OGG1: variants seen among roughly 807,000 people sequenced by gnomAD.
OGG1 encodes the protein 8-oxoguanine DNA glycosylase.
OGG1 carries 35 observed loss-of-function variants against 42.3 expected under a neutral mutation model. The ratio of observed to expected loss-of-function variants is 0.83; its 90% confidence interval spans 0.63 to 1.10. The LOEUF (loss-of-function observed/expected upper bound fraction) is 1.10. Ranked by LOEUF, OGG1 falls within the 50% of genes least tolerant of loss-of-function variation. The pLI is 0.00. For missense variants in OGG1, 484 were observed against 446.7 expected, an observed-to-expected ratio of 1.08 and a Z score of -0.75; for synonymous variants, 189 against 179.0, an observed-to-expected ratio of 1.06 and a Z score of -0.44.
intron 2 of OGG1, among the ~76,000 whole-genome samples, chr3:9,777,560 G>T (rs1363366447): frequency 6.6e-6 from 1 of 152,074 alleles, no homozygotes; most frequent in Non-Finnish European, 1.5e-5. Context: ...AGGAGGGGTG[G>T]GTAAAGGGCC....
At chr3:9,789,534 G>A (rs941668510), downstream of OGG1, 2 of 1,614,048 alleles carry the variant, frequency 1.2e-6, no homozygotes, top group African/African-American at 1.3e-5. Context: ...CTCATCTTCT[G>A]GGGGCTTCAG....
rs946603388 is a variant in OGG1 at position 9,749,967 on chromosome 3, T to G, written c.-320T>G. 2 of 368,294 alleles carry G rather than the reference T, an allele frequency of 5.4e-6. No individual in the cohort carries two copies. The highest frequency in any genetic ancestry group is 1.0e-5 in the Non-Finnish European group (2 of 199,540). The allele number at this position is 368,294 out of a possible 1,614,324, so 22.8% of individuals were successfully genotyped here. A position where few individuals can be genotyped will look rare whatever the true frequency, so the allele number is the denominator to read the frequency against. On this transcript the variant is annotated 5_prime_UTR_variant, in exon 1 of 7. Coordinates refer to ENST00000344629, the MANE Select transcript of OGG1 (RefSeq NM_002542.6). The stretch of plus-strand genomic sequence containing the variant: ...CCCTACTTCCGGTGGTGCTGTGGTC[T>G]GCCCCTGGAGAACCCAGAAGAACAC...
chr3:9,766,751 G>T, downstream of OGG1: 1 of 532,916 alleles, frequency 1.9e-6, no homozygotes, highest in Non-Finnish European at 2.5e-6. Context: ...CATCTCTCGT[G>T]GTGAAATTTC....
chr3:9,789,739 C>T (rs150345911), downstream of OGG1: 322 of 1,613,554 alleles, frequency 2.0e-4, no homozygotes, highest in African/African-American at 3.9e-3. Flanking sequence ...TTTTGGGGAT[C>T]CGTGGCACGT....
downstream of OGG1, among the ~76,000 whole-genome samples, chr3:9,769,009 C>T (rs201266198): frequency 6.6e-6 from 1 of 152,206 alleles, no homozygotes; most frequent in East Asian, 1.9e-4. Context: ...ACCAAGCCCC[C>T]TCCACAGCCC....
At chr3:9,761,595 C>T, downstream of OGG1, 1 of 1,613,698 alleles carries the variant, frequency 6.2e-7, no homozygotes, top group Non-Finnish European at 8.5e-7. Flanking sequence ...CCTGGTTCCC[C>T]CCACCATCAC....
chr3:9,787,151 T>C, intron 3 of OGG1: 1 of 1,614,184 alleles, frequency 6.2e-7, no homozygotes, highest in Non-Finnish European at 8.5e-7. Flanking sequence ...GCTGAAGTTC[T>C]GGAATTCAAG....
downstream of OGG1, chr3:9,759,196 G>A (rs1382192924): frequency 1.2e-6 from 2 of 1,612,768 alleles, no homozygotes; most frequent in African/African-American, 2.7e-5. Flanking sequence ...GCTCTGTCAG[G>A]TCATCACCAC....
chr3:9,766,316 G>A (rs73113550), exon 8 of OGG1: 10,109 of 695,104 alleles, frequency 0.015, 669 homozygotes, highest in African/African-American at 0.14. Flanking sequence ...CCATGCCTGA[G>A]GTCTACCCCT....
chr3:9,780,966 G>C (rs1028188163), intron 2 of OGG1, among the ~76,000 whole-genome samples: 3 of 152,044 alleles, frequency 2.0e-5, no homozygotes, highest in Non-Finnish European at 2.9e-5. Flanking sequence ...TAGTGAGACT[G>C]TCTCTACAAA....
Position 9,750,326 on chromosome 3 carries a change from C to T in OGG1, c.40C>T (p.Arg14Cys), listed in dbSNP as rs1231108714. The T allele has an allele frequency of 5.6e-6, 9 of 1,613,708 alleles. No homozygotes were observed. The highest frequency in any genetic ancestry group is 3.3e-4 in the Middle Eastern group (2 of 6,082). Residue 14 changes from arginine to cysteine, a missense_variant, in exon 1 of 7, where the codon CGT becomes TGT. Coordinates refer to ENST00000344629, the MANE Select transcript of OGG1 (RefSeq NM_002542.6). ...GCTTCTGCCCAGGCGCATGGGGCATCGTACTCTAGCCTCCACTCCTGCCCT... is the reference window on the plus strand; with the variant it reads ...GCTTCTGCCCAGGCGCATGGGGCATTGTACTCTAGCCTCCACTCCTGCCCT... The part of the protein sequence containing the change: ...RALLPRRMGH[R>C]TLASTPALWA...
intron 3 of OGG1, chr3:9,785,523 C>A: frequency 1.3e-6 from 1 of 799,856 alleles, no homozygotes; most frequent in East Asian, 2.7e-5. Flanking sequence ...CAGAAATATC[C>A]TTTTATCTTT....
At chr3:9,771,447 C>A (rs1403565971), downstream of OGG1, among the ~76,000 whole-genome samples, 1 of 152,182 alleles carries the variant, frequency 6.6e-6, no homozygotes, top group Non-Finnish European at 1.5e-5. Context: ...TACTCGGGAA[C>A]ATGGGAATAT....
At chr3:9,784,107 G>C (rs2078547033) in intron 3 of OGG1, 1 of 1,614,104 alleles carries the variant, frequency 6.2e-7, no homozygotes, top group Non-Finnish European at 8.5e-7. Context: ...AGCTCAGCAA[G>C]GACCTCATCC....
At chr3:9,761,857 CA>C, downstream of OGG1, 39 of 1,505,088 alleles carry the variant, frequency 2.6e-5, no homozygotes, top group Non-Finnish European at 3.5e-5. Flanking sequence ...AATGGATCCC[CA>C]AAAGCCACTG....
exon 8 of OGG1, chr3:9,766,110 T>A: frequency 7.3e-7 from 1 of 1,370,436 alleles, no homozygotes; most frequent in Non-Finnish European, 1.0e-6. Flanking sequence ...GGTCATGTGA[T>A]GCAAGCCAGC....
At chr3:9,760,799 A>G (rs748791479), downstream of OGG1, 10 of 1,613,150 alleles carry the variant, frequency 6.2e-6, no homozygotes, top group Non-Finnish European at 7.6e-6. Context: ...CCTCATTTCC[A>G]CTTTCGGGTG....
At chr3:9,782,766 G>A (rs2078507857) in intron 3 of OGG1, among the ~76,000 whole-genome samples, 1 of 150,026 alleles carries the variant, frequency 6.7e-6, no homozygotes, top group Non-Finnish European at 1.5e-5. Context: ...ACTCCAGCCT[G>A]GGCAACAGAG....
At chr3:9,771,407 C>T (rs2078296412), downstream of OGG1, among the ~76,000 whole-genome samples, 1 of 152,184 alleles carries the variant, frequency 6.6e-6, no homozygotes, top group African/African-American at 2.4e-5. Flanking sequence ...TGATCCTGGT[C>T]ATGCTTTACC....
Sources: allele counts gnomAD v4.1 joint callset (sites outside exome capture counted in the v4.1 genomes callset), GRCh38; gene constraint gnomAD v4.1.1; transcripts MANE v1.5; gene names NCBI Gene and HGNC (gene_info 2026-07-23, HGNC 2026-07-21).